The following CSMD2 variants were observed in gnomAD, a reference collection of about 807,000 sequenced individuals.
The protein encoded by CSMD2 is CUB and Sushi multiple domains 2.
A neutral mutation model predicts 398.5 loss-of-function variants in CSMD2; 130 were observed. The observed-to-expected ratio is 0.33, with a 90% CI of 0.28 to 0.38. The LOEUF (loss-of-function observed/expected upper bound fraction) is 0.38, where lower values mean the gene tolerates loss of function less well. Among genes scored for constraint, CSMD2 ranks in the 10% least tolerant of loss-of-function variants. CSMD2 has a pLI of 1.00. For missense variants in CSMD2, 3,829 were observed against 4,764.9 expected, an observed-to-expected ratio of 0.80 and a Z score of 5.78; for synonymous variants, 1,828 against 1,908.5, an observed-to-expected ratio of 0.96 and a Z score of 1.10.
intron 13 of CSMD2, among the ~76,000 whole-genome samples, chr1:33,755,057 T>C (rs1198584766): frequency 1.3e-5 from 2 of 152,034 alleles, no homozygotes; most frequent in Non-Finnish European, 2.9e-5. Context: ...AGATTGGTGT[T>C]CATGAATTTA....
chr1:33,787,808 C>T (rs1653717060), intron 12 of CSMD2, among the ~76,000 whole-genome samples: 1 of 152,116 alleles, frequency 6.6e-6, no homozygotes, highest in South Asian at 2.1e-4. Context: ...TTGAGGGTAT[C>T]TCCTGGGCCC....
At chr1:33,899,963 A>T (rs535575963) in intron 5 of CSMD2, among the ~76,000 whole-genome samples, 1 of 152,320 alleles carries the variant, frequency 6.6e-6, no homozygotes, top group East Asian at 1.9e-4. Context: ...TATCAACTGC[A>T]GAGGCCAAGA....
rs573147163 is a variant in CSMD2 at position 33,821,901 on chromosome 1, TAG to T, written c.1112-1347_1112-1346del. 5.0e-3 allele frequency among the ~76,000 whole-genome samples: 768 copies of T among 152,162 alleles called. 3 individuals carry two copies. The highest frequency in any genetic ancestry group is 8.5e-3 in the Non-Finnish European group (575 of 68,004). On this transcript the variant is annotated intron_variant, in intron 7 of 70. Coordinates refer to ENST00000373381, the MANE Select transcript of CSMD2 (RefSeq NM_001281956.2). ...CACACGGCAACAGAGATGACAAAGA[TAG>T]ACAGGCACGAGGAGTGAGGTGGAAA... is the stretch of plus-strand genomic sequence containing the variant.
At chr1:34,113,478 C>T (rs769733275) in intron 1 of CSMD2, among the ~76,000 whole-genome samples, 2 of 152,238 alleles carry the variant, frequency 1.3e-5, no homozygotes, top group Non-Finnish European at 2.9e-5. Flanking sequence ...TCACATGCCC[C>T]ATGGTCACTT....
chr1:33,965,371 A>C (rs1645521013), intron 3 of CSMD2, among the ~76,000 whole-genome samples: 1 of 152,168 alleles, frequency 6.6e-6, no homozygotes, highest in Non-Finnish European at 1.5e-5. Context: ...AAGAGAACAA[A>C]TGCATGCCAC....
intron 2 of CSMD2, among the ~76,000 whole-genome samples, chr1:34,056,933 T>C (rs1029183612): frequency 2.0e-5 from 3 of 152,196 alleles, no homozygotes; most frequent in African/African-American, 4.8e-5. Context: ...GGAGTGAGCA[T>C]AGAATACGCA....
intron 6 of CSMD2, among the ~76,000 whole-genome samples, chr1:33,837,427 A>T (rs866785724): frequency 6.7e-6 from 1 of 149,270 alleles, no homozygotes; most frequent in Non-Finnish European, 1.5e-5. Flanking sequence ...CCTTGTCCCA[A>T]TGATATTATA....
chr1:33,783,271 C>T lies in CSMD2; in HGVS notation c.1663+5329G>A, dbSNP rs76017457. Reference sequence around the variant, plus strand: ...ACTGAACTTGTGTGTTCCCCCAACTCCCCCAAATTCCTGTATTGAGGCTCT... The same window carrying T: ...ACTGAACTTGTGTGTTCCCCCAACTTCCCCAAATTCCTGTATTGAGGCTCT... On this transcript the variant is annotated intron_variant, in intron 12 of 70. Coordinates refer to ENST00000373381, the MANE Select transcript of CSMD2 (RefSeq NM_001281956.2). Among the ~76,000 whole-genome samples the T allele has an allele frequency of 6.1e-3, 922 of 152,154 alleles. 2 individuals carry two copies. The highest frequency in any genetic ancestry group is 0.01 in the Middle Eastern group (3 of 294).
At chr1:33,873,502 A>C (rs537966719) in intron 5 of CSMD2, 1 of 152,222 alleles carries the variant, frequency 6.6e-6, no homozygotes, top group Non-Finnish European at 1.5e-5. Flanking sequence ...CTTCTGTCTT[A>C]TCCTCTCTCT....
chr1:34,153,390 T>G (rs1383454669), intron 1 of CSMD2, among the ~76,000 whole-genome samples: 2 of 152,246 alleles, frequency 1.3e-5, no homozygotes, highest in Non-Finnish European at 2.9e-5. Context: ...AGAATTTCCT[T>G]GCTTTTTAAA....
chr1:33,615,530 G>A lies in CSMD2; in HGVS notation c.6017-910C>T, dbSNP rs1026472715. On this transcript the variant is annotated intron_variant, in intron 39 of 70. Coordinates refer to ENST00000373381, the MANE Select transcript of CSMD2 (RefSeq NM_001281956.2). ...TCCCACCTTCACTTCCGATGGGACC[G>A]TGGGCAAGTTCAAAACCCTCCAGAA... 5.3e-5 allele frequency among the ~76,000 whole-genome samples: 8 copies of A among 152,144 alleles called. No homozygotes were observed. In the East Asian group the frequency reaches 1.3e-3, roughly 26 times the overall value.
intron 58 of CSMD2, among the ~76,000 whole-genome samples, chr1:33,541,992 G>A (rs1186015628): frequency 6.6e-6 from 1 of 152,214 alleles, no homozygotes; most frequent in African/African-American, 2.4e-5. Context: ...CCATGAAAGG[G>A]TCATGCCTAT....
At chr1:33,724,742 C>T in intron 17 of CSMD2, 38 bp from the exon 18 acceptor site, 2 of 1,587,512 alleles carry the variant, frequency 1.3e-6, no homozygotes. Flanking sequence ...AGACAGCTTA[C>T]TGTCACTACA....
intron 2 of CSMD2, among the ~76,000 whole-genome samples, chr1:34,063,141 G>A (rs900942198): frequency 6.6e-6 from 1 of 152,160 alleles, no homozygotes; most frequent in Non-Finnish European, 1.5e-5. Flanking sequence ...CAGCATGTAG[G>A]AATTATGGGA....
At chr1:33,573,619 T>C (rs1659801059) in intron 49 of CSMD2, among the ~76,000 whole-genome samples, 1 of 149,688 alleles carries the variant, frequency 6.7e-6, no homozygotes, top group Non-Finnish European at 1.5e-5. Flanking sequence ...TCTCAGAATA[T>C]AGAAAAAAAA....
intron 33 of CSMD2, among the ~76,000 whole-genome samples, 161 bp from the exon 34 acceptor site, chr1:33,625,415 C>T (rs1642053998): frequency 6.6e-6 from 1 of 152,198 alleles, no homozygotes; most frequent in Non-Finnish European, 1.5e-5. Context: ...AGGAGGATGC[C>T]TGTTATACCG....
chr1:34,031,180 A>G (rs1449043771), intron 3 of CSMD2, among the ~76,000 whole-genome samples: 1 of 151,212 alleles, frequency 6.6e-6, no homozygotes, highest in Non-Finnish European at 1.5e-5. Context: ...TTTGTGCCTC[A>G]GCCTCCCAAG....
chr1:33,681,104 T>C (rs1644897196), intron 25 of CSMD2, among the ~76,000 whole-genome samples: 1 of 151,880 alleles, frequency 6.6e-6, no homozygotes, highest in Non-Finnish European at 1.5e-5. Flanking sequence ...TTTCTATTTT[T>C]AGTAAGATGG....
At chr1:33,603,237 T>C (rs1454557983) in intron 42 of CSMD2, among the ~76,000 whole-genome samples, 2 of 152,136 alleles carry the variant, frequency 1.3e-5, no homozygotes, top group Admixed American at 1.3e-4. Context: ...TAAGATCCTC[T>C]CTCCTTATCT....
Sources: allele counts gnomAD v4.1 joint callset (sites outside exome capture counted in the v4.1 genomes callset), GRCh38; gene constraint gnomAD v4.1.1; transcripts MANE v1.5; gene names NCBI Gene and HGNC (gene_info 2026-07-23, HGNC 2026-07-21).